WAC: variants seen among roughly 807,000 people sequenced by gnomAD.
WAC encodes WW domain-containing adapter protein with coiled-coil.
WAC carries 11 observed loss-of-function variants against 79.6 expected under a neutral mutation model. The observed-to-expected ratio is 0.14, with a 90% CI of 0.09 to 0.23. WAC has a LOEUF of 0.23. Ranked by LOEUF, WAC falls within the 10% of genes least tolerant of loss-of-function variation. WAC has a pLI of 1.00. For missense variants in WAC, 728 were observed against 773.5 expected (o/e 0.94, Z 0.70); for synonymous variants, 304 against 276.9 (o/e 1.10, Z -0.97).
At chr10:28,572,736 G>T (rs184453664) in intron 3 of WAC, among the ~76,000 whole-genome samples, 1 of 152,088 alleles carries the variant, frequency 6.6e-6, no homozygotes, top group African/African-American at 2.4e-5. Flanking sequence ...GCTTGAACCC[G>T]GGAGGCAGAG....
At chr10:28,617,280 C>T (rs541445028) in intron 12 of WAC, among the ~76,000 whole-genome samples, 35 of 152,282 alleles carry the variant, frequency 2.3e-4, no homozygotes, top group African/African-American at 8.2e-4. Flanking sequence ...GTGTGTCTTA[C>T]GATAGAGGAG....
chr10:28,593,152 G>A (rs332156), intron 6 of WAC, among the ~76,000 whole-genome samples: 127,231 of 152,124 alleles, frequency 0.84, 53,326 homozygotes, highest in East Asian at 0.94. Context: ...TAGTTTAGGT[G>A]ATGTTTGAGG....
Position 28,570,434 on chromosome 10 carries a change from T to A in WAC, c.275-12965T>A, listed in dbSNP as rs559386892. Among the ~76,000 whole-genome samples the A allele has an allele frequency of 2.6e-5, 4 of 152,352 alleles. No homozygotes were observed. In the South Asian group the frequency reaches 6.2e-4, roughly 24 times the overall value. On this transcript the variant is annotated intron_variant, in intron 3 of 13. Coordinates refer to ENST00000354911, the MANE Select transcript of WAC (RefSeq NM_016628.5). ...CCTTCGGCAGCTCATCTGCAGACAC[T>A]CTCTGTATCCCTTATTATTAAATGA...
chr10:28,556,388 A>ATTTTTTTTTTTTTTTTTTTTTTTTTTT (rs764934182), intron 3 of WAC, among the ~76,000 whole-genome samples: 3 of 55,090 alleles, frequency 5.4e-5, no homozygotes, highest in Admixed American at 3.3e-4. Flanking sequence ...TGCCCATTAA[A>ATTTTTTTTTTTTTTTTTTTTTTTTTTT]TTTTTTTTTT....
At chr10:28,560,880 G>A (rs1838268087) in intron 3 of WAC, among the ~76,000 whole-genome samples, 1 of 152,206 alleles carries the variant, frequency 6.6e-6, no homozygotes. Flanking sequence ...GGAAGTTAAG[G>A]CTTTGGGGGG....
chr10:28,603,989 GTATA>G (rs1479559809), intron 7 of WAC, among the ~76,000 whole-genome samples: 1 of 26,414 alleles, frequency 3.8e-5, no homozygotes, highest in Non-Finnish European at 6.2e-5. Flanking sequence ...ATATATATAT[GTATA>G]TATATATATA....
chr10:28,545,855 T>C (rs761142174), intron 3 of WAC, among the ~76,000 whole-genome samples: 1 of 152,252 alleles, frequency 6.6e-6, no homozygotes, highest in Non-Finnish European at 1.5e-5. Context: ...AGATAATACC[T>C]ACTTAGGTAC....
chr10:28,575,951 T>A (rs1839224387), intron 3 of WAC, among the ~76,000 whole-genome samples: 1 of 152,262 alleles, frequency 6.6e-6, no homozygotes, highest in South Asian at 2.1e-4. Context: ...GATACACAAA[T>A]ACTAACATTG....
At chr10:28,578,615 T>C (rs1839370077) in intron 3 of WAC, among the ~76,000 whole-genome samples, 1 of 152,166 alleles carries the variant, frequency 6.6e-6, no homozygotes, top group Admixed American at 6.5e-5. Flanking sequence ...CTTTTGTAAA[T>C]GGAAGGGCAT....
rs1376572409 is a variant in WAC, at chr10:28,541,419, T to G, written c.274+5662T>G. Reference sequence around the variant, plus strand: ...TGTGGGGTTGTGTGTGTGTGTGTTTTGTTTTTTTTTTTTTTTTTTTTTTTT... The same window carrying G: ...TGTGGGGTTGTGTGTGTGTGTGTTTGGTTTTTTTTTTTTTTTTTTTTTTTT... On this transcript the variant is annotated intron_variant, in intron 3 of 13. Coordinates refer to ENST00000354911, the MANE Select transcript of WAC (RefSeq NM_016628.5). Among the ~76,000 whole-genome samples the G allele has an allele frequency of 3.8e-3, 187 of 49,136 alleles. 5 individuals are homozygous for G. The highest frequency in any genetic ancestry group is 0.012 in the South Asian group (13 of 1,076). 32.2% of individuals were successfully genotyped at this position (49,136 alleles called of 152,430 possible). A position where few individuals can be genotyped will look rare whatever the true frequency, so the allele number is the denominator to read the frequency against.
chr10:28,619,304 T>C (rs1180367036), intron 13 of WAC, among the ~76,000 whole-genome samples: 1 of 152,144 alleles, frequency 6.6e-6, no homozygotes, highest in African/African-American at 2.4e-5. Flanking sequence ...AATAAAAAGT[T>C]GTTTGAAAAC....
intron 3 of WAC, among the ~76,000 whole-genome samples, chr10:28,572,975 CAAGT>C (rs1839055571): frequency 1.3e-5 from 2 of 152,154 alleles, no homozygotes; most frequent in South Asian, 2.1e-4. Context: ...TCTTATTTGA[CAAGT>C]GACCACAGGT....
At chr10:28,545,937 A>G (rs1837329265) in intron 3 of WAC, among the ~76,000 whole-genome samples, 1 of 152,242 alleles carries the variant, frequency 6.6e-6, no homozygotes, top group South Asian at 2.1e-4. Flanking sequence ...AATTTCATTT[A>G]GCTTTTATCT....
At chr10:28,562,357 A>T (rs898746036) in intron 3 of WAC, among the ~76,000 whole-genome samples, 1 of 152,090 alleles carries the variant, frequency 6.6e-6, no homozygotes, top group African/African-American at 2.4e-5. Context: ...GGCCCAGCCA[A>T]TTTTCTAGTA....
intron 3 of WAC, among the ~76,000 whole-genome samples, chr10:28,577,570 T>G (rs1010540646): frequency 6.6e-6 from 1 of 152,168 alleles, no homozygotes; most frequent in Non-Finnish European, 1.5e-5. Context: ...TTGGTGAAAC[T>G]CTTTTAAGTG....
chr10:28,571,103 G>A (rs541433967), intron 3 of WAC, among the ~76,000 whole-genome samples: 3 of 151,288 alleles, frequency 2.0e-5, no homozygotes, highest in African/African-American at 4.9e-5. Flanking sequence ...GACTACAGGC[G>A]CTCGCCACCA....
At chr10:28,538,866 TAAAAAAA>T (rs5784069) in intron 3 of WAC, among the ~76,000 whole-genome samples, 6 of 126,904 alleles carry the variant, frequency 4.7e-5, no homozygotes, top group South Asian at 2.5e-4. Flanking sequence ...CCCGTCTGTT[TAAAAAAA>T]AAAAAAAAAA....
chr10:28,562,581 T>C (rs375632360), intron 3 of WAC, among the ~76,000 whole-genome samples: 31 of 152,348 alleles, frequency 2.0e-4, no homozygotes, highest in African/African-American at 7.2e-4. Flanking sequence ...GTGTTATTAA[T>C]GTTTCTGAAT....
At chr10:28,616,806 A>G (rs1483014471) in intron 12 of WAC, among the ~76,000 whole-genome samples, 1 of 152,246 alleles carries the variant, frequency 6.6e-6, no homozygotes, top group African/African-American at 2.4e-5. Flanking sequence ...GGCCAAGCGC[A>G]GTGGCTCATA....
Sources: allele counts gnomAD v4.1 joint callset (sites outside exome capture counted in the v4.1 genomes callset), GRCh38; gene constraint gnomAD v4.1.1; transcripts MANE v1.5; gene names NCBI Gene and HGNC (gene_info 2026-07-23, HGNC 2026-07-21).